EPHA2: variants seen among roughly 807,000 people sequenced by gnomAD.
EPHA2 encodes the protein ephrin type-A receptor 2.
Under a neutral mutation model 104.9 loss-of-function variants are expected in EPHA2, and 54 were observed. The ratio of observed to expected loss-of-function variants is 0.51; its 90% CI spans 0.41 to 0.65. The LOEUF is 0.65. EPHA2 is among the 30% of genes least tolerant of loss of function. EPHA2 has a pLI of 0.00. For missense variants in EPHA2, 1,117 were observed against 1,369.5 expected (o/e 0.82, Z 2.91); for synonymous variants, 560 against 559.1 (o/e 1.00, Z -0.02).
intron 1 of EPHA2, among the ~76,000 whole-genome samples, chr1:16,152,251 G>A (rs1569615243): frequency 6.6e-6 from 1 of 152,350 alleles, no homozygotes; most frequent in East Asian, 1.9e-4. Flanking sequence ...AGGCAGGCTG[G>A]GAGCAGGGAT....
chr1:16,150,618 T>C lies in EPHA2; in HGVS notation c.153+278A>G, dbSNP rs1474514823. 2.6e-5 allele frequency among the ~76,000 whole-genome samples: 4 copies of C among 152,164 alleles called. No individual in the cohort carries two copies. Among genetic ancestry groups the C allele is most frequent in the African/African-American group, 7.2e-5 (3 of 41,446 alleles). Reference sequence around the variant, plus strand: ...TCTGACTGTCAGCCCTTCTGGAACATGGAAGGCCCAGCTCCGCTAGGGCCT... The same window carrying C: ...TCTGACTGTCAGCCCTTCTGGAACACGGAAGGCCCAGCTCCGCTAGGGCCT... On this transcript the variant is annotated intron_variant, in intron 2 of 16. Transcript: ENST00000358432. The surrounding 1 kb of genome is among the most constrained non-coding windows in gnomAD (Gnocchi z 4.8).
chr1:16,146,830 G>T lies in EPHA2; in HGVS notation c.823+1548C>A, dbSNP rs567457466. On this transcript the variant is annotated intron_variant, in intron 3 of 16. Transcript: ENST00000358432. ...TCCAACCCTTCAACCCCCTCCAGGG[G>T]CTGCAGGATCCATGGCTAGAAAACA... Among the ~76,000 whole-genome samples the T allele has an allele frequency of 1.6e-3, 242 of 152,314 alleles. 2 individuals are homozygous for T. Among genetic ancestry groups the T allele is most frequent in the Non-Finnish European group, 7.8e-4 (53 of 68,032 alleles).
chr1:16,138,437 G>A lies in EPHA2; in HGVS notation c.824-7C>T, dbSNP rs1301165838. The A allele has an allele frequency of 6.2e-7, 1 of 1,613,472 alleles. No homozygotes were observed. The highest frequency in any genetic ancestry group is 8.5e-7 in the Non-Finnish European group (1 of 1,180,012). Reference sequence around the variant, plus strand: ...AAAAATCCAGGCGAGCAGGCTGGTGGACACAGGACAGACAGAGCACAAGGA... The same window carrying A: ...AAAAATCCAGGCGAGCAGGCTGGTGAACACAGGACAGACAGAGCACAAGGA... On this transcript the variant is annotated splice_region_variant and splice_polypyrimidine_tract_variant and intron_variant, in intron 3 of 16. Transcript: ENST00000358432.
In EPHA2 at chr1:16,148,828, C is replaced by G. The variant is rs765981383; in HGVS notation, c.373G>C (p.Glu125Gln). Residue 125 changes from glutamate to glutamine, a missense_variant, in exon 3 of 17, where the codon GAG becomes CAG. Glu to Gln is a conservative substitution (Grantham distance 29). Around this residue, in one of 3 missense-constraint regions of EPHA2, gnomAD observed 664 missense variants for 784.8 expected, o/e 0.85. Transcript: ENST00000358432. This position sits in a 1 kb window ranked among gnomAD's most constrained non-coding sequence, Gnocchi z 4.9. ...CKETFNLYYA[E>Q]SDLDYGTNFQ... The stretch of plus-strand genomic sequence containing the variant: ...TTGGTGCCGTAGTCCAGGTCCGACT[C>G]GGCATAGTAGAGGTTGAAAGTCTCC... 1 of 1,614,000 alleles carries G rather than the reference C, an allele frequency of 6.2e-7. No homozygotes were observed. Among genetic ancestry groups the G allele is most frequent in the Admixed American group, 1.7e-5 (1 of 60,000 alleles).
In EPHA2 at chr1:16,150,344, A is replaced by G. The variant is rs961514892; in HGVS notation, c.153+552T>C. Among the ~76,000 whole-genome samples the G allele has an allele frequency of 1.3e-5, 2 of 152,064 alleles. No individual in the cohort carries two copies. Among genetic ancestry groups the G allele is most frequent in the African/African-American group, 4.8e-5 (2 of 41,404 alleles). ...GGAAGAACCCCCAGCCCCTGCCCCC[A>G]TTCCTGGTCACATCAGGACGGCATA... On this transcript the variant is annotated intron_variant, in intron 2 of 16. Coordinates refer to ENST00000358432, the MANE Select transcript of EPHA2 (RefSeq NM_004431.5). The surrounding 1 kb of genome is among the most constrained non-coding windows in gnomAD (Gnocchi z 4.8).
In EPHA2 at chr1:16,139,466, C is replaced by T. The variant is rs553824549; in HGVS notation, c.824-1036G>A. Among the ~76,000 whole-genome samples the T allele has an allele frequency of 5.3e-5, 8 of 152,322 alleles. No individual in the cohort carries two copies. The South Asian group carries it at 1.4e-3, about 28-fold the overall frequency. On this transcript the variant is annotated intron_variant, in intron 3 of 16. Coordinates refer to ENST00000358432, the MANE Select transcript of EPHA2 (RefSeq NM_004431.5). ...ATGATCCTCTGCTCTGTGCCTGGCC[C>T]ACCCCCAGTGCTGGGTATGCACCAA... is the stretch of plus-strand genomic sequence containing the variant.
At chr1:16,151,576 AG>A (rs1347846000) in intron 1 of EPHA2, among the ~76,000 whole-genome samples, 1 of 152,132 alleles carries the variant, frequency 6.6e-6, no homozygotes, top group Non-Finnish European at 1.5e-5. Flanking sequence ...AGGAGGGAAG[AG>A]GGTATCTGGA....
chr1:16,139,638 G>C (rs2024785032), intron 3 of EPHA2, among the ~76,000 whole-genome samples: 1 of 152,218 alleles, frequency 6.6e-6, no homozygotes, highest in Non-Finnish European at 1.5e-5. Context: ...GGGACATTTT[G>C]GCTGGGGTTC....
In EPHA2 at chr1:16,134,938, G is replaced by A. The variant is rs770599878; in HGVS notation, c.1582+98C>T. 5.8e-6 allele frequency: 9 copies of A among 1,559,046 alleles called. No homozygotes were observed. The highest frequency in any genetic ancestry group is 7.8e-6 in the Non-Finnish European group (9 of 1,149,662). The stretch of plus-strand genomic sequence containing the variant: ...CAGGCCGCCGGTGACCGAGAAAGGG[G>A]CATTTCTAAGTTATTTGATTCACTT... On this transcript the variant is annotated intron_variant, in intron 7 of 16. Coordinates refer to ENST00000358432, the MANE Select transcript of EPHA2 (RefSeq NM_004431.5). The surrounding 1 kb of genome is among the most constrained non-coding windows in gnomAD (Gnocchi z 4.5).
At chr1:16,149,163 TG>T in intron 2 of EPHA2, 116 bp from the exon 3 acceptor site, 1 of 1,132,474 alleles carries the variant, frequency 8.8e-7, no homozygotes, top group South Asian at 1.3e-5. Context: ...GGTTCTACGG[TG>T]AAGGAAACTG....
intron 3 of EPHA2, among the ~76,000 whole-genome samples, chr1:16,144,887 G>C (rs2024897094): frequency 6.6e-6 from 1 of 152,206 alleles, no homozygotes; most frequent in African/African-American, 2.4e-5. Context: ...CATCCTCTCT[G>C]GGTTGTGTGT....
At position 16,146,284 on chromosome 1, in the gene EPHA2, CAG is replaced by C. The variant is rs1491288965; in HGVS notation, c.823+2092_823+2093del. On this transcript the variant is annotated intron_variant, in intron 3 of 16. Transcript: ENST00000358432. ...CCTCCTGCTGGGCTGATCTTCCCAA[CAG>C]GGGGCTGCTCGGCTCTCTGCAAACA... 3.3e-5 allele frequency: 5 copies of C among 152,250 alleles called. No individual in the cohort carries two copies. The East Asian group carries it at 5.8e-4, about 18-fold the overall frequency. 9.4% of individuals were successfully genotyped at this position (152,250 alleles called of 1,614,324 possible).
At chr1:16,152,930 C>T (rs565197848) in intron 1 of EPHA2, among the ~76,000 whole-genome samples, 16 of 152,284 alleles carry the variant, frequency 1.1e-4, no homozygotes, top group Admixed American at 3.3e-4. Flanking sequence ...GAACAGGAGG[C>T]GCCCAGCGCT....
Position 16,124,882 on chromosome 1 carries a change from G to C in EPHA2, c.*333C>G. ...CCATCTCCTGAGATGGCCTCATGTG[G>C]GAGAAGGCGGAGGGAAGGTCGGCTT... On this transcript the variant is annotated 3_prime_UTR_variant, in exon 17 of 17. Transcript: ENST00000358432. 1 of 313,068 alleles carries C rather than the reference G, an allele frequency of 3.2e-6. No homozygotes were observed. The highest frequency in any genetic ancestry group is 3.6e-5 in the South Asian group (1 of 28,098). The allele number at this position is 313,068 out of a possible 1,614,324, so 19.4% of individuals were successfully genotyped here.
At chr1:16,129,935 TTTC>T (rs985558757) in intron 15 of EPHA2, among the ~76,000 whole-genome samples, 8 of 152,112 alleles carry the variant, frequency 5.3e-5, no homozygotes, top group Non-Finnish European at 8.8e-5. Flanking sequence ...TGTGTCTCAG[TTTC>T]TTCTTCTACA....
Position 16,133,976 on chromosome 1 carries a change from G to A in EPHA2, c.1683-61C>T, listed in dbSNP as rs2024631948. 10 of 1,518,132 alleles carry A rather than the reference G, an allele frequency of 6.6e-6. No homozygotes were observed. In the South Asian group the frequency reaches 1.1e-4, roughly 17 times the overall value. The allele number at this position is 1,518,132 out of a possible 1,614,324, so 94.0% of individuals were successfully genotyped here. ...GTCAGTGAGGTCTGCTCCGGCCAGG[G>A]AAGCCTCCTGGCCCTACTTTGGTCC... On this transcript the variant is annotated intron_variant, in intron 8 of 16. Coordinates refer to ENST00000358432, the MANE Select transcript of EPHA2 (RefSeq NM_004431.5).
chr1:16,136,767 GAA>G (rs2024717750), intron 5 of EPHA2, among the ~76,000 whole-genome samples: 2 of 147,316 alleles, frequency 1.4e-5, no homozygotes, highest in Admixed American at 6.7e-5. Context: ...AGAAGAAGAA[GAA>G]GAAGAACTAA....
intron 2 of EPHA2, among the ~76,000 whole-genome samples, chr1:16,149,366 C>A (rs2024995810): frequency 6.6e-6 from 1 of 152,170 alleles, no homozygotes; most frequent in Admixed American, 6.5e-5. Context: ...ACAATGGGAG[C>A]AAGACCCCCT....
intron 16 of EPHA2, among the ~76,000 whole-genome samples, chr1:16,126,471 A>G (rs1000686130): frequency 6.6e-6 from 1 of 152,186 alleles, no homozygotes; most frequent in Admixed American, 6.5e-5. Flanking sequence ...GGAAGGGCAG[A>G]CCCAGGTGAG....
Sources: allele counts gnomAD v4.1 joint callset (sites outside exome capture counted in the v4.1 genomes callset), GRCh38; gene constraint gnomAD v4.1.1; regional missense constraint gnomAD v4.1.1; non-coding constraint Gnocchi (gnomAD v3.1); transcripts MANE v1.5; gene names NCBI Gene and HGNC (gene_info 2026-07-23, HGNC 2026-07-21).